CPA6: variants seen among roughly 807,000 people sequenced by gnomAD.
CPA6 encodes the protein carboxypeptidase A6.
Under a neutral mutation model 63.3 loss-of-function variants are expected in CPA6, and 58 were observed. The ratio of observed to expected loss-of-function variants is 0.92; its 90% CI spans 0.74 to 1.14. The LOEUF (loss-of-function observed/expected upper bound fraction) is 1.14. Among genes scored for constraint, CPA6 ranks in the 50% most tolerant of loss-of-function variants. CPA6 has a pLI of 0.00. For missense variants in CPA6, 565 were observed against 526.6 expected (o/e 1.07, Z -0.71); for synonymous variants, 185 against 179.0 (o/e 1.03, Z -0.27).
At chr8:67,705,731 G>C (rs1817120172) in intron 1 of CPA6, among the ~76,000 whole-genome samples, 2 of 152,134 alleles carry the variant, frequency 1.3e-5, no homozygotes, top group East Asian at 3.9e-4. Context: ...CTAACTCAGG[G>C]GTTTAGAAAT....
chr8:67,494,663 C>A (rs1017888189), intron 6 of CPA6, among the ~76,000 whole-genome samples: 1 of 152,118 alleles, frequency 6.6e-6, no homozygotes, highest in African/African-American at 2.4e-5. Context: ...ATTAAAAAAA[C>A]AAAAAGATGT....
intron 1 of CPA6, among the ~76,000 whole-genome samples, chr8:67,736,792 TCAAA>T (rs1208919202): frequency 6.6e-6 from 1 of 152,204 alleles, no homozygotes; most frequent in Admixed American, 6.5e-5. Context: ...TATAGGCAGC[TCAAA>T]CAATACATAT....
chr8:67,659,389 A>G (rs1239911157), intron 1 of CPA6, among the ~76,000 whole-genome samples: 2 of 152,358 alleles, frequency 1.3e-5, no homozygotes, highest in Non-Finnish European at 2.9e-5. Context: ...TCAGCACTAC[A>G]CGTAAAGTGG....
intron 2 of CPA6, among the ~76,000 whole-genome samples, chr8:67,543,080 T>G (rs1463810765): frequency 6.6e-6 from 1 of 152,258 alleles, no homozygotes; most frequent in Non-Finnish European, 1.5e-5. Flanking sequence ...TTGTTAGTAT[T>G]CTGTCACAGG....
chr8:67,505,226 A>G (rs934980903), intron 6 of CPA6, among the ~76,000 whole-genome samples: 3 of 152,228 alleles, frequency 2.0e-5, no homozygotes, highest in Non-Finnish European at 4.4e-5. Context: ...TCATCATTTC[A>G]GTGCATTAAC....
intron 8 of CPA6, among the ~76,000 whole-genome samples, chr8:67,448,639 G>GA (rs61317091): frequency 0.017 from 386 of 23,242 alleles, 17 homozygotes; most frequent in East Asian, 0.13. Flanking sequence ...CTCAAAAAAG[G>GA]AAAAAAAAAA....
chr8:67,650,171 A>T (rs375921125), intron 1 of CPA6, among the ~76,000 whole-genome samples: 26 of 152,268 alleles, frequency 1.7e-4, no homozygotes, highest in African/African-American at 2.6e-4. Flanking sequence ...TGCTGGCTGT[A>T]TAAATGTAAC....
At chr8:67,517,570 T>A (rs1448643237) in intron 3 of CPA6, among the ~76,000 whole-genome samples, 2 of 152,246 alleles carry the variant, frequency 1.3e-5, no homozygotes, top group Admixed American at 6.5e-5. Flanking sequence ...TGGTCTCCTC[T>A]GCCTCTGCCT....
intron 2 of CPA6, among the ~76,000 whole-genome samples, chr8:67,535,224 T>C (rs2128969634): frequency 6.6e-6 from 1 of 152,338 alleles, no homozygotes; most frequent in African/African-American, 2.4e-5. Flanking sequence ...ATATACCCAG[T>C]AATGGAATTG....
rs183430738 is a variant in CPA6 at position 67,646,098 on chromosome 8, T to G, written c.117-21847A>C. On this transcript the variant is annotated intron_variant, in intron 1 of 10. Coordinates refer to ENST00000297770, the MANE Select transcript of CPA6 (RefSeq NM_020361.5). ...TGAAGAACCTCTAACTTCATTATAG[T>G]CTGATCTCTCTGCTATGTAACACTG... is the stretch of plus-strand genomic sequence containing the variant. Among the ~76,000 whole-genome samples the G allele has an allele frequency of 4.7e-3, 721 of 152,322 alleles. 2 individuals are homozygous for G. Among genetic ancestry groups the G allele is most frequent in the Non-Finnish European group, 6.4e-3 (434 of 68,024 alleles).
chr8:67,438,260 G>A lies in CPA6; in HGVS notation c.839-4020C>T, dbSNP rs147686762. ...TAAGGAAAGATTGAATAGACTTATT[G>A]TGCACCAAACAAAAGAGATAAAGAG... On this transcript the variant is annotated intron_variant, in intron 8 of 10. Transcript: ENST00000297770. 1.2e-4 allele frequency among the ~76,000 whole-genome samples: 19 copies of A among 152,238 alleles called. No homozygotes were observed. In the East Asian group the frequency reaches 3.5e-3, roughly 28 times the overall value.
At chr8:67,588,126 G>T (rs1306183012) in intron 2 of CPA6, among the ~76,000 whole-genome samples, 4 of 152,168 alleles carry the variant, frequency 2.6e-5, no homozygotes, top group Non-Finnish European at 5.9e-5. Flanking sequence ...TGGGTAGTTG[G>T]TGTAAATGAA....
intron 2 of CPA6, among the ~76,000 whole-genome samples, chr8:67,520,084 C>T (rs1812229339): frequency 6.6e-6 from 1 of 151,970 alleles, no homozygotes; most frequent in South Asian, 2.1e-4. Flanking sequence ...GCCTCTAAAC[C>T]CATTACAGAG....
intron 8 of CPA6, among the ~76,000 whole-genome samples, chr8:67,440,129 A>G (rs890245600): frequency 6.6e-6 from 1 of 152,206 alleles, no homozygotes; most frequent in Non-Finnish European, 1.5e-5. Flanking sequence ...AAAAGTCTGG[A>G]ATCAAGGTGT....
intron 1 of CPA6, among the ~76,000 whole-genome samples, chr8:67,631,059 A>G (rs1815316318): frequency 6.6e-6 from 1 of 152,150 alleles, no homozygotes; most frequent in South Asian, 2.1e-4. Context: ...CCCCTACTCC[A>G]CAGCACCTGG....
At chr8:67,596,711 C>A (rs969387385) in intron 2 of CPA6, among the ~76,000 whole-genome samples, 4 of 152,116 alleles carry the variant, frequency 2.6e-5, no homozygotes, top group African/African-American at 9.7e-5. Context: ...AGTTATACCA[C>A]TAATGTTCTT....
At chr8:67,637,059 T>G (rs183588933) in intron 1 of CPA6, among the ~76,000 whole-genome samples, 1 of 151,796 alleles carries the variant, frequency 6.6e-6, no homozygotes, top group East Asian at 1.9e-4. Flanking sequence ...ACATGAAGAT[T>G]TAGACTTCAC....
In CPA6 at chr8:67,606,884, G is replaced by C. The variant is rs112826552; in HGVS notation, c.192+17292C>G. On this transcript the variant is annotated intron_variant, in intron 2 of 10. Transcript: ENST00000297770. ...TGCAGTCAACTTCTGGTTTGTTCAG[G>C]TTTGAGGTCCTGATAGTTGTATAAT... Among the ~76,000 whole-genome samples the C allele has an allele frequency of 2.6e-5, 4 of 152,168 alleles. 1 individual carries two copies. The highest frequency in any genetic ancestry group is 9.6e-5 in the African/African-American group (4 of 41,522).
intron 8 of CPA6, among the ~76,000 whole-genome samples, chr8:67,435,034 GC>G (rs1344550495): frequency 6.6e-6 from 1 of 152,208 alleles, no homozygotes; most frequent in Non-Finnish European, 1.5e-5. Context: ...TGAGAGGGGA[GC>G]CCCCTCCATC....
Sources: allele counts gnomAD v4.1 joint callset (sites outside exome capture counted in the v4.1 genomes callset), GRCh38; gene constraint gnomAD v4.1.1; transcripts MANE v1.5; gene names NCBI Gene and HGNC (gene_info 2026-07-23, HGNC 2026-07-21).